Variants in LLGL2 observed in about 807,000 individuals in gnomAD.
LLGL2 encodes LLGL scribble cell polarity complex component 2, also known as LLGL2, scribble cell polarity complex component.
A neutral mutation model predicts 123.2 loss-of-function variants in LLGL2; 81 were observed. The ratio of observed to expected loss-of-function variants is 0.66; its 90% CI spans 0.55 to 0.79. The LOEUF (loss-of-function observed/expected upper bound fraction) is 0.79. LLGL2 is among the 30% of genes least tolerant of loss of function. LLGL2 has a pLI of 0.00. For synonymous variants in LLGL2, 577 were observed against 594.1 expected, an observed-to-expected ratio of 0.97 and a Z score of 0.42; for missense variants, 1,273 against 1,414.6, an observed-to-expected ratio of 0.90 and a Z score of 1.61.
intron 10 of LLGL2, 136 bp from the exon 11 acceptor site, chr17:75,568,340 A>G: frequency 2.3e-5 from 33 of 1,445,144 alleles, no homozygotes; most frequent in Non-Finnish European, 3.0e-5. Flanking sequence ...GGAGATGGAA[A>G]GGCTTTGCTC....
intron 17 of LLGL2, chr17:75,571,414 C>A: frequency 1.7e-6 from 1 of 586,784 alleles, no homozygotes; most frequent in Non-Finnish European, 3.0e-6. Context: ...CCTAGAGCAG[C>A]TGTGACGATC....
At chr17:75,533,252 G>A (rs544367744) in intron 1 of LLGL2, among the ~76,000 whole-genome samples, 1 of 146,448 alleles carries the variant, frequency 6.8e-6, no homozygotes, top group African/African-American at 2.5e-5. Context: ...GCCCGCCTCA[G>A]CCTCCCAAAA....
At position 75,570,452 on chromosome 17, in the gene LLGL2, G is replaced by A; in HGVS notation, c.1979G>A (p.Ser660Asn). Residue 660 changes from serine to asparagine, a missense_variant, in exon 16 of 26, where the codon AGC becomes AAC. Coordinates refer to ENST00000392550, the MANE Select transcript of LLGL2 (RefSeq NM_001031803.2). Reference sequence around the variant, plus strand: ...CAGTCATTCCGCCGGATGCGTCGGAGCCGGGTGTCCAGCCGGAAGCGGCAC... The same window carrying A: ...CAGTCATTCCGCCGGATGCGTCGGAACCGGGTGTCCAGCCGGAAGCGGCAC... ...LRQSFRRMRRSRVSSRKRHPA... is the reference protein window; with the variant it reads ...LRQSFRRMRRNRVSSRKRHPA... The A allele has an allele frequency of 6.3e-7, 1 of 1,595,836 alleles. No individual in the cohort carries two copies. Among genetic ancestry groups the A allele is most frequent in the Non-Finnish European group, 8.5e-7 (1 of 1,172,452 alleles).
At chr17:75,531,289 G>T (rs1278388870) in intron 1 of LLGL2, among the ~76,000 whole-genome samples, 1 of 152,174 alleles carries the variant, frequency 6.6e-6, no homozygotes, top group Non-Finnish European at 1.5e-5. Flanking sequence ...CCGCACTGTG[G>T]GAGATCTGCG....
chr17:75,559,345 G>C lies in LLGL2; in HGVS notation c.465G>C (p.Val155=), dbSNP rs988445528. 46 of 1,613,444 alleles carry C rather than the reference G, an allele frequency of 2.9e-5. No individual in the cohort carries two copies. Among genetic ancestry groups the C allele is most frequent in the Non-Finnish European group, 3.8e-5 (45 of 1,179,992 alleles). The change falls in exon 6 of 26, where the codon GTG becomes GTC. Residue 155 remains valine (V), a synonymous_variant. Coordinates refer to ENST00000392550, the MANE Select transcript of LLGL2 (RefSeq NM_001031803.2). This position sits in a 1 kb window ranked among gnomAD's most constrained non-coding sequence, Gnocchi z 4.6. ...YLGTESGNVF[V]VQLPAFRALE... ...GCACCGAGAGTGGCAACGTGTTTGT[G>C]GTGCAGCTGCCAGCTTTTCGTGCGC...
At chr17:75,543,558 C>A in intron 2 of LLGL2, 57 bp downstream of exon 2, 3 of 1,460,064 alleles carry the variant, frequency 2.1e-6, no homozygotes, top group Non-Finnish European at 2.8e-6. Context: ...GCAGCTCAGG[C>A]TGGGGCTGAG....
chr17:75,572,825 A>G (rs748704804), intron 19 of LLGL2, among the ~76,000 whole-genome samples, 189 bp from the exon 20 acceptor site: 9 of 121,518 alleles, frequency 7.4e-5, no homozygotes, highest in African/African-American at 1.5e-4. Context: ...ATCTCGGAGG[A>G]AAAAAAAAAA....
intron 1 of LLGL2, among the ~76,000 whole-genome samples, chr17:75,539,116 TGGTG>T (rs2054114030): frequency 6.6e-6 from 1 of 152,102 alleles, no homozygotes; most frequent in Non-Finnish European, 1.5e-5. Flanking sequence ...TAGAGTACAG[TGGTG>T]GGTTCATAGC....
chr17:75,531,837 C>T (rs942376521), intron 1 of LLGL2, among the ~76,000 whole-genome samples: 1 of 152,174 alleles, frequency 6.6e-6, no homozygotes, highest in Admixed American at 6.5e-5. Context: ...ACTCACCCCT[C>T]TCTTCTTCCC....
rs1009650009 is a variant in LLGL2 at position 75,574,492 on chromosome 17, G to T, written c.2993G>T (p.Arg998Leu). The T allele has an allele frequency of 7.7e-6, 12 of 1,558,256 alleles. No homozygotes were observed. Among genetic ancestry groups the T allele is most frequent in the East Asian group, 2.4e-5 (1 of 41,612 alleles). Residue 998 changes from arginine to leucine, a missense_variant, in exon 24 of 26, where the codon CGC becomes CTC. Physicochemically the swap from Arg to Leu is moderately radical, Grantham distance 102 (BLOSUM62 -2). Transcript: ENST00000392550. The stretch of plus-strand genomic sequence containing the variant: ...ATCCAGAGCACACTGGAGGGAGACC[G>T]CGGGTGAGGCACCGCCCAGGCCAGC... ...KEIQSTLEGDRGSGNWRSHRA... is the reference protein window; with the variant it reads ...KEIQSTLEGDLGSGNWRSHRA...
In LLGL2 at chr17:75,557,348, C is replaced by A. The variant is rs578055504; in HGVS notation, c.174-807C>A. On this transcript the variant is annotated intron_variant, in intron 3 of 25. Coordinates refer to ENST00000392550, the MANE Select transcript of LLGL2 (RefSeq NM_001031803.2). ...CAGGCGGCAGAGAGTGGAGAGGGCT[C>A]TGCCTGGCAGGGACAGTCCTTCCCC... Among the ~76,000 whole-genome samples, 21 of 152,338 alleles carry A rather than the reference C, an allele frequency of 1.4e-4. 1 individual carries two copies. The highest frequency in any genetic ancestry group is 1.2e-3 in the Admixed American group (19 of 15,298).
intron 1 of LLGL2, chr17:75,538,478 C>T (rs1191543238): frequency 6.6e-6 from 1 of 152,210 alleles, no homozygotes; most frequent in East Asian, 1.9e-4. Flanking sequence ...CCCTTCCCAC[C>T]AGTCAGTCTC....
chr17:75,539,161 A>C (rs1193572855), intron 1 of LLGL2, among the ~76,000 whole-genome samples: 1 of 151,496 alleles, frequency 6.6e-6, no homozygotes, highest in African/African-American at 2.4e-5. Flanking sequence ...CAGGCTCAGC[A>C]ATCCTTCCAC....
chr17:75,539,797 G>A (rs975262312), intron 1 of LLGL2, among the ~76,000 whole-genome samples: 3 of 150,910 alleles, frequency 2.0e-5, no homozygotes, highest in East Asian at 3.9e-4. Flanking sequence ...TAGTAGAGAC[G>A]GGGTTTCACC....
At chr17:75,551,934 G>T (rs762561612) in intron 2 of LLGL2, among the ~76,000 whole-genome samples, 18 of 152,208 alleles carry the variant, frequency 1.2e-4, no homozygotes, top group Non-Finnish European at 1.8e-4. Flanking sequence ...TTCGAGACCA[G>T]CCTGGCCAAC....
Position 75,564,672 on chromosome 17 carries a change from G to T in LLGL2, c.1036+165G>T. The T allele has an allele frequency of 8.7e-7, 1 of 1,152,466 alleles. No homozygotes were observed. Among genetic ancestry groups the T allele is most frequent in the South Asian group, 1.7e-5 (1 of 59,214 alleles). The allele number at this position is 1,152,466 out of a possible 1,614,324, so 71.4% of individuals were successfully genotyped here. ...GAACCCAGGAGTTCAAGTCCAGCCT[G>T]GACAACGTAGGGAGACCCTTGTCTC... On this transcript the variant is annotated intron_variant, in intron 10 of 25. Coordinates refer to ENST00000392550, the MANE Select transcript of LLGL2 (RefSeq NM_001031803.2). The surrounding 1 kb of genome is among the most constrained non-coding windows in gnomAD (Gnocchi z 4.9).
chr17:75,567,439 G>A (rs528374884), intron 10 of LLGL2, among the ~76,000 whole-genome samples: 2 of 151,950 alleles, frequency 1.3e-5, no homozygotes, highest in Admixed American at 1.3e-4. Context: ...ACTCCAGCCT[G>A]GGCAACAAGA....
At chr17:75,556,704 A>G (rs1275862948) in intron 3 of LLGL2, among the ~76,000 whole-genome samples, 1 of 152,090 alleles carries the variant, frequency 6.6e-6, no homozygotes, top group African/African-American at 2.4e-5. Flanking sequence ...TCCCCACCTC[A>G]CCACCAGAAA....
In LLGL2 at chr17:75,559,961, C is replaced by A. The variant is rs572083028; in HGVS notation, c.530+551C>A. On this transcript the variant is annotated intron_variant, in intron 6 of 25. Coordinates refer to ENST00000392550, the MANE Select transcript of LLGL2 (RefSeq NM_001031803.2). This position sits in a 1 kb window ranked among gnomAD's most constrained non-coding sequence, Gnocchi z 4.6. ...TCCGGGTGGGAGAAGGGGACGGGGCCCAAAAAAAGAGAGGAGATAGCATCT... is the reference window on the plus strand; with the variant it reads ...TCCGGGTGGGAGAAGGGGACGGGGCACAAAAAAAGAGAGGAGATAGCATCT... Among the ~76,000 whole-genome samples, 29 of 151,878 alleles carry A rather than the reference C, an allele frequency of 1.9e-4. No homozygotes were observed. The highest frequency in any genetic ancestry group is 6.0e-4 in the African/African-American group (25 of 41,452).
Sources: gnomAD v4.1 joint callset for allele counts (sites outside exome capture counted in the v4.1 genomes callset) on GRCh38, gnomAD v4.1.1 for gene constraint, Gnocchi (gnomAD v3.1) non-coding constraint, MANE v1.5 for transcripts, NCBI Gene and HGNC (gene_info 2026-07-23, HGNC 2026-07-21) for gene names.